Variants in JMJD1C observed in about 807,000 individuals in gnomAD.
The protein encoded by JMJD1C is jumonji domain containing 1C, also known as jumonji domain-containing protein 1C.
A neutral mutation model predicts 245.3 loss-of-function variants in JMJD1C; 31 were observed. The observed-to-expected ratio is 0.13, with a 90% CI of 0.09 to 0.17. The LOEUF (loss-of-function observed/expected upper bound fraction) is 0.17, where lower values mean the gene tolerates loss of function less well. Among genes scored for constraint, JMJD1C ranks in the 10% least tolerant of loss-of-function variants. The pLI, the probability that JMJD1C is intolerant of heterozygous loss-of-function variation, is 1.00. For synonymous variants in JMJD1C, 1,057 were observed against 1,017.4 expected (o/e 1.04, Z -0.74); for missense variants, 2,691 against 3,000.2 (o/e 0.90, Z 2.41).
At chr10:63,222,444 TA>T in intron 3 of JMJD1C, 1 of 942,816 alleles carries the variant, frequency 1.1e-6, no homozygotes, top group Non-Finnish European at 1.8e-6. Context: ...AAGGAGTTGC[TA>T]AATCTTGATG....
chr10:63,369,630 G>A (rs1946137610), intron 2 of JMJD1C, among the ~76,000 whole-genome samples: 1 of 152,078 alleles, frequency 6.6e-6, no homozygotes, highest in Admixed American at 6.5e-5. Flanking sequence ...CCAATATTAG[G>A]CATATTCAAA....
chr10:63,472,100 G>C (rs1054646243), intron 1 of JMJD1C, among the ~76,000 whole-genome samples: 1 of 151,928 alleles, frequency 6.6e-6, no homozygotes, highest in Non-Finnish European at 1.5e-5. Context: ...AAGAATTTTT[G>C]CAATGTTCTA....
intron 1 of JMJD1C, among the ~76,000 whole-genome samples, chr10:63,411,258 T>C (rs931918546): frequency 2.1e-4 from 32 of 151,516 alleles, no homozygotes; most frequent in Admixed American, 9.2e-4. Context: ...GTGAGAAACA[T>C]GGTAGTTACA....
At chr10:63,475,582 A>G (rs921543962) in intron 1 of JMJD1C, among the ~76,000 whole-genome samples, 1 of 152,198 alleles carries the variant, frequency 6.6e-6, no homozygotes, top group African/African-American at 2.4e-5. Context: ...GTCTCCTACT[A>G]CTGGGGAGAA....
intron 2 of JMJD1C, among the ~76,000 whole-genome samples, chr10:63,358,211 A>G (rs1050804236): frequency 6.6e-6 from 1 of 152,122 alleles, no homozygotes; most frequent in Non-Finnish European, 1.5e-5. Context: ...GGATACGAAA[A>G]TTTTTTCACA....
At chr10:63,323,653 T>A (rs1287656815) in intron 2 of JMJD1C, among the ~76,000 whole-genome samples, 1 of 152,090 alleles carries the variant, frequency 6.6e-6, no homozygotes, top group Non-Finnish European at 1.5e-5. Flanking sequence ...CTAAAAAAAT[T>A]CAAGGCATAC....
At chr10:63,461,911 TATTTA>T (rs966818383) in intron 1 of JMJD1C, among the ~76,000 whole-genome samples, 1 of 152,194 alleles carries the variant, frequency 6.6e-6, no homozygotes, top group African/African-American at 2.4e-5. Context: ...TGATGTCTGC[TATTTA>T]ATTAATATTA....
At chr10:63,486,166 AAAC>A (rs1388061645) in intron 1 of JMJD1C, among the ~76,000 whole-genome samples, 24 of 41,724 alleles carry the variant, frequency 5.8e-4, no homozygotes, top group African/African-American at 1.6e-3. Context: ...AAAAAAAAAA[AAAC>A]AAAAAACAGA....
At chr10:63,516,001 CTCCTGCTATCAAGAATATAATACCTTTA>C (rs545752341) in intron 1 of JMJD1C, among the ~76,000 whole-genome samples, 2,953 of 152,186 alleles carry the variant, frequency 0.019, 44 homozygotes, top group South Asian at 0.038. Flanking sequence ...CAGAAAGGTC[CTCCTGCTATCAAGAATATAATACCTTTA>C]TCTATTTTTT....
chr10:63,328,023 C>T (rs1941725784), intron 2 of JMJD1C, among the ~76,000 whole-genome samples: 1 of 151,994 alleles, frequency 6.6e-6, no homozygotes, highest in African/African-American at 2.4e-5. Flanking sequence ...GCCTGCAATC[C>T]CAACACTTTG....
chr10:63,519,580 T>C (rs1483250694), intron 1 of JMJD1C, among the ~76,000 whole-genome samples: 1 of 152,138 alleles, frequency 6.6e-6, no homozygotes, highest in Non-Finnish European at 1.5e-5. Flanking sequence ...ATGACACAGA[T>C]AAGAAATAGA....
intron 1 of JMJD1C, among the ~76,000 whole-genome samples, chr10:63,390,111 G>C (rs1417631703): frequency 6.6e-6 from 1 of 151,774 alleles, no homozygotes; most frequent in African/African-American, 2.4e-5. Context: ...TTTTTGAAGA[G>C]ATAAACAAAA....
At chr10:63,256,512 T>TA (rs1289447346) in intron 3 of JMJD1C, among the ~76,000 whole-genome samples, 2 of 152,248 alleles carry the variant, frequency 1.3e-5, no homozygotes, top group Non-Finnish European at 2.9e-5. Context: ...GACTCTGCTT[T>TA]AGCTGCTGGT....
chr10:63,377,877 G>A (rs996391344), intron 2 of JMJD1C, among the ~76,000 whole-genome samples: 36 of 150,418 alleles, frequency 2.4e-4, no homozygotes, highest in African/African-American at 7.3e-4. Context: ...CAGCCTGTGT[G>A]GAAAAGTGAG....
intron 2 of JMJD1C, among the ~76,000 whole-genome samples, chr10:63,319,255 T>TAAA (rs59018554): frequency 1.3e-3 from 115 of 85,914 alleles, no homozygotes; most frequent in African/African-American, 3.9e-3. Flanking sequence ...AGACTCCATC[T>TAAA]AAAAAAAAAA....
intron 2 of JMJD1C, among the ~76,000 whole-genome samples, chr10:63,364,145 G>T (rs1006426791): frequency 6.6e-6 from 1 of 152,158 alleles, no homozygotes; most frequent in Non-Finnish European, 1.5e-5. Flanking sequence ...GATTACAGGT[G>T]TGAGCCACTG....
chr10:63,454,605 A>C (rs1952290714), intron 1 of JMJD1C, among the ~76,000 whole-genome samples: 1 of 152,048 alleles, frequency 6.6e-6, no homozygotes, highest in Non-Finnish European at 1.5e-5. Context: ...TAATTTTTGC[A>C]TTTTTAGTAG....
Position 63,196,527 on chromosome 10 carries a change from G to C in JMJD1C, c.5644+884C>G, listed in dbSNP as rs572577206. Among the ~76,000 whole-genome samples, 24 of 152,274 alleles carry C rather than the reference G, an allele frequency of 1.6e-4. No individual in the cohort carries two copies. The East Asian group carries it at 3.1e-3, about 20-fold the overall frequency. On this transcript the variant is annotated intron_variant, in intron 13 of 25. Coordinates refer to ENST00000399262, the MANE Select transcript of JMJD1C (RefSeq NM_032776.3). ...GTTTCTTTGGTAAGAAAGGGTAAGAGACTTTGGTTAATCCTATCAGTAGAA... is the reference window on the plus strand; with the variant it reads ...GTTTCTTTGGTAAGAAAGGGTAAGACACTTTGGTTAATCCTATCAGTAGAA...
chr10:63,287,719 G>C (rs565278429), intron 2 of JMJD1C, among the ~76,000 whole-genome samples: 2 of 152,006 alleles, frequency 1.3e-5, no homozygotes, highest in East Asian at 3.9e-4. Context: ...TTATAAATAT[G>C]TGTTCTTTTC....
Sources: allele counts gnomAD v4.1 joint callset (sites outside exome capture counted in the v4.1 genomes callset), GRCh38; gene constraint gnomAD v4.1.1; transcripts MANE v1.5; gene names NCBI Gene and HGNC (gene_info 2026-07-23, HGNC 2026-07-21).